WDR86: variants seen among roughly 807,000 people sequenced by gnomAD.
WDR86 encodes WD repeat domain 86.
WDR86 carries 30 observed loss-of-function variants against 36.5 expected under a neutral mutation model. The ratio of observed to expected loss-of-function variants is 0.82; its 90% CI spans 0.61 to 1.11. The LOEUF is 1.11. Ranked by LOEUF, WDR86 falls within the 50% of genes most tolerant of loss-of-function variation. WDR86 has a pLI of 0.00. For missense variants in WDR86, 545 were observed against 561.2 expected, an observed-to-expected ratio of 0.97 and a Z score of 0.29; for synonymous variants, 255 against 252.9, an observed-to-expected ratio of 1.01 and a Z score of -0.08.
downstream of WDR86, among the ~76,000 whole-genome samples, chr7:151,375,406 C>T (rs1798169764): frequency 6.6e-6 from 1 of 152,082 alleles, no homozygotes. Flanking sequence ...GGAAAGTCTC[C>T]ACAGGGTCTT....
In WDR86 at chr7:151,395,838, T is replaced by A. The variant is rs143339319; in HGVS notation, c.664A>T (p.Ile222Phe). The A allele has an allele frequency of 1.9e-6, 3 of 1,584,500 alleles. No homozygotes were observed. Among genetic ancestry groups the A allele is most frequent in the Non-Finnish European group, 2.6e-6 (3 of 1,167,352 alleles). ...STDATIRAWDILSGEQLRVFR... is the reference protein window; with the variant it reads ...STDATIRAWDFLSGEQLRVFR... Reference sequence around the variant, plus strand: ...ACCCGCAGCTGCTCCCCACTCAGGATGTCCCAGGCACGGATGGTGGCGTCG... The same window carrying A: ...ACCCGCAGCTGCTCCCCACTCAGGAAGTCCCAGGCACGGATGGTGGCGTCG... Residue 222 changes from isoleucine to phenylalanine, a missense_variant, in exon 3 of 6, where the codon ATC (isoleucine) becomes TTC (phenylalanine). Coordinates refer to ENST00000334493, the MANE Select transcript of WDR86 (RefSeq NM_198285.3).
At chr7:151,394,319 C>T (rs1242156323) in intron 3 of WDR86, among the ~76,000 whole-genome samples, 1 of 152,204 alleles carries the variant, frequency 6.6e-6, no homozygotes, top group Non-Finnish European at 1.5e-5. Context: ...GTCTTGGAGC[C>T]CCGGGGCCGC....
chr7:151,408,932 G>A, intron 1 of WDR86: 1 of 472,054 alleles, frequency 2.1e-6, no homozygotes, highest in South Asian at 1.5e-5. Flanking sequence ...GTAACATAGT[G>A]TGACGACGGC....
chr7:151,403,262 C>T (rs1435791286), intron 1 of WDR86, among the ~76,000 whole-genome samples: 1 of 152,134 alleles, frequency 6.6e-6, no homozygotes, highest in Admixed American at 6.5e-5. Context: ...GGAAGGCCCA[C>T]TGGATTTGAG....
intron 1 of WDR86, among the ~76,000 whole-genome samples, chr7:151,407,434 G>A (rs1387043161): frequency 6.6e-6 from 1 of 152,214 alleles, no homozygotes; most frequent in Non-Finnish European, 1.5e-5. Flanking sequence ...GGGCCTCACT[G>A]GGGAGAAACC....
At chr7:151,398,493 T>TGTAC (rs1800048120) in intron 2 of WDR86, among the ~76,000 whole-genome samples, 2 of 150,648 alleles carry the variant, frequency 1.3e-5, no homozygotes, top group African/African-American at 4.9e-5. Flanking sequence ...TATGTGTATA[T>TGTAC]GTGTGCGCAC....
downstream of WDR86, chr7:151,376,473 C>T: frequency 1.4e-6 from 1 of 695,552 alleles, no homozygotes; most frequent in Non-Finnish European, 2.3e-6. Flanking sequence ...CCAGGTTGCT[C>T]TACGCTCACA....
At chr7:151,377,088 G>A (rs1447929545), downstream of WDR86, 2 of 1,578,590 alleles carry the variant, frequency 1.3e-6, no homozygotes, top group African/African-American at 1.4e-5. Flanking sequence ...GGAGACAGAG[G>A]CCGTCAATGA....
chr7:151,394,080 A>C (rs1360029655), intron 3 of WDR86, among the ~76,000 whole-genome samples: 2 of 152,146 alleles, frequency 1.3e-5, no homozygotes, highest in African/African-American at 4.8e-5. Flanking sequence ...ACCTGTGCGG[A>C]CAGACCCTGT....
chr7:151,376,922 T>A (rs1798314616), downstream of WDR86: 1 of 1,430,894 alleles, frequency 7.0e-7, no homozygotes, highest in Non-Finnish European at 9.3e-7. Flanking sequence ...TCCCCTGACG[T>A]CACCGGGCCG....
intron 2 of WDR86, among the ~76,000 whole-genome samples, chr7:151,399,770 G>A (rs941274110): frequency 3.3e-5 from 5 of 152,230 alleles, no homozygotes; most frequent in Admixed American, 6.5e-5. Flanking sequence ...CATTTCCTAT[G>A]GAATTTGTCC....
intron 1 of WDR86, among the ~76,000 whole-genome samples, chr7:151,400,926 T>A (rs926244571): frequency 5.9e-5 from 9 of 152,138 alleles, no homozygotes; most frequent in African/African-American, 2.2e-4. Context: ...TTTTTACCGG[T>A]CCTCACAGTG....
At chr7:151,376,986 G>C (rs949387311), downstream of WDR86, 2 of 1,445,906 alleles carry the variant, frequency 1.4e-6, no homozygotes, top group South Asian at 1.4e-5. Flanking sequence ...GACTGTGGTC[G>C]TGCAGTGTCC....
rs929193229 is a variant in WDR86, at chr7:151,381,167, C to T, written c.*415G>A. 1 of 1,251,698 alleles carries T rather than the reference C, an allele frequency of 8.0e-7. No individual in the cohort carries two copies. The highest frequency in any genetic ancestry group is 1.0e-6 in the Non-Finnish European group (1 of 1,000,950). 77.5% of individuals were successfully genotyped at this position (1,251,698 alleles called of 1,614,324 possible). A position where few individuals can be genotyped will look rare whatever the true frequency, so the allele number is the denominator to read the frequency against. The stretch of plus-strand genomic sequence containing the variant: ...ATATTTCAGTTCCCCCCAAGGCCCT[C>T]GAGACGGACGATTTGCCAAAATAAC... On this transcript the variant is annotated 3_prime_UTR_variant, in exon 6 of 6. Transcript: ENST00000334493. This position sits in a 1 kb window ranked among gnomAD's most constrained non-coding sequence, Gnocchi z 4.8.
chr7:151,409,176 C>G lies in WDR86; in HGVS notation c.163+251G>C, dbSNP rs1238091160. 13 of 636,078 alleles carry G rather than the reference C, an allele frequency of 2.0e-5. No individual in the cohort carries two copies. Among genetic ancestry groups the G allele is most frequent in the Non-Finnish European group, 3.5e-5 (12 of 345,502 alleles). 39.4% of individuals were successfully genotyped at this position (636,078 alleles called of 1,614,324 possible). On this transcript the variant is annotated intron_variant, in intron 1 of 5. Transcript: ENST00000334493. This position sits in a 1 kb window ranked among gnomAD's most constrained non-coding sequence, Gnocchi z 5.2. ...ATGATCTTCGCCTTTGTAGCGGACG[C>G]CCCTCGACCCACCCACCCGATCCCG...
downstream of WDR86, among the ~76,000 whole-genome samples, chr7:151,372,600 C>T (rs1296216686): frequency 6.6e-6 from 1 of 152,144 alleles, no homozygotes; most frequent in African/African-American, 2.4e-5. Context: ...TGAAAGACTC[C>T]TGCTGGCATG....
At chr7:151,375,222 A>T (rs934124576), downstream of WDR86, among the ~76,000 whole-genome samples, 47 of 152,332 alleles carry the variant, frequency 3.1e-4, 2 homozygotes, top group Non-Finnish European at 2.9e-5. Flanking sequence ...TATACGTTAA[A>T]TTTTAAATTT....
At chr7:151,378,754 G>C (rs1166032310), downstream of WDR86, among the ~76,000 whole-genome samples, 1 of 152,220 alleles carries the variant, frequency 6.6e-6, no homozygotes, top group Non-Finnish European at 1.5e-5. Flanking sequence ...GCCACACTTG[G>C]ATTTGGGGCC....
At chr7:151,394,191 C>G (rs187217351) in intron 3 of WDR86, among the ~76,000 whole-genome samples, 56 of 152,288 alleles carry the variant, frequency 3.7e-4, no homozygotes, top group African/African-American at 1.3e-3. Flanking sequence ...TCCACCCATC[C>G]CAATGTCCTC....
Sources: gnomAD v4.1 joint callset for allele counts (sites outside exome capture counted in the v4.1 genomes callset) on GRCh38, gnomAD v4.1.1 for gene constraint, Gnocchi (gnomAD v3.1) non-coding constraint, MANE v1.5 for transcripts, NCBI Gene and HGNC (gene_info 2026-07-23, HGNC 2026-07-21) for gene names.